Variants in CLDN16 observed in about 807,000 individuals in gnomAD.
The protein encoded by CLDN16 is claudin-16.
A neutral mutation model predicts 24.6 loss-of-function variants in CLDN16; 13 were observed. That is an observed-to-expected ratio of 0.53 (90% CI 0.34 to 0.84). The LOEUF (loss-of-function observed/expected upper bound fraction) is 0.84, where lower values mean the gene tolerates loss of function less well. Ranked by LOEUF, CLDN16 falls within the 40% of genes least tolerant of loss-of-function variation. The pLI is 0.01. For missense variants in CLDN16, 298 were observed against 292.7 expected, an observed-to-expected ratio of 1.02 and a Z score of -0.13; for synonymous variants, 116 against 106.7, an observed-to-expected ratio of 1.09 and a Z score of -0.54.
At chr3:190,313,010 T>C in the CLDN16 span, 1 of 1,614,164 alleles carries the variant, frequency 6.2e-7, no homozygotes, top group East Asian at 2.2e-5. Flanking sequence ...CCAACCACCA[T>C]CAAGGCACGG....
At chr3:190,391,137 T>C (rs1417481824) in intron 1 of CLDN16, among the ~76,000 whole-genome samples, 2 of 146,094 alleles carry the variant, frequency 1.4e-5, no homozygotes, top group Non-Finnish European at 3.1e-5. Flanking sequence ...TTTTGTTTTG[T>C]TTTGATTTTT....
intron 4 of CLDN16, among the ~76,000 whole-genome samples, chr3:190,408,978 T>A (rs1719189520): frequency 1.3e-5 from 2 of 150,806 alleles, no homozygotes; most frequent in Admixed American, 1.3e-4. Context: ...CATATATGTA[T>A]AATTGTAATA....
At chr3:190,352,681 CT>C (rs1247339147) in intron 1 of CLDN16, among the ~76,000 whole-genome samples, 27 of 151,836 alleles carry the variant, frequency 1.8e-4, no homozygotes, top group African/African-American at 6.3e-4. Context: ...TAAGCAAAAG[CT>C]ACTATTCTAG....
intron 2 of CLDN16, among the ~76,000 whole-genome samples, chr3:190,374,047 TA>T (rs576385592): frequency 2.7e-5 from 4 of 150,770 alleles, no homozygotes; most frequent in Admixed American, 1.3e-4. Context: ...TTCTGAATGA[TA>T]AAAAAAAATG....
At chr3:190,392,746 C>T (rs755482625) in intron 1 of CLDN16, among the ~76,000 whole-genome samples, 4 of 151,980 alleles carry the variant, frequency 2.6e-5, no homozygotes, top group African/African-American at 7.3e-5. Flanking sequence ...GGTACAAGAG[C>T]GTTGTATGTT....
At chr3:190,310,063 A>G in the CLDN16 span, 1 of 907,122 alleles carries the variant, frequency 1.1e-6, no homozygotes, top group African/African-American at 1.6e-5. Context: ...TTGACATAAA[A>G]TTCTTGAAAG....
At chr3:190,374,124 G>C (rs1351171536) in intron 2 of CLDN16, among the ~76,000 whole-genome samples, 1 of 151,906 alleles carries the variant, frequency 6.6e-6, no homozygotes, top group African/African-American at 2.4e-5. Flanking sequence ...ATAGAACTCA[G>C]TCATAGAAAG....
At chr3:190,291,341 C>T in the CLDN16 span, among the ~76,000 whole-genome samples, 1 of 152,142 alleles carries the variant, frequency 6.6e-6, no homozygotes, top group African/African-American at 2.4e-5. Context: ...CAGCTCCACA[C>T]AGCTGGGGAG....
In CLDN16 at chr3:190,411,441, G is replaced by T. The variant is rs1719284402; in HGVS notation, c.*1405G>T. 1 of 151,894 alleles carries T rather than the reference G, an allele frequency of 6.6e-6. No homozygotes were observed. Among genetic ancestry groups the T allele is most frequent in the Non-Finnish European group, 1.5e-5 (1 of 67,988 alleles). 9.4% of individuals were successfully genotyped at this position (151,894 alleles called of 1,614,324 possible). On this transcript the variant is annotated 3_prime_UTR_variant, in exon 5 of 5. Transcript: ENST00000264734. ...AAATGTTTGTAAAATTTAATTTCCA[G>T]TTTTCTAATTACTTGTCAGTCACAT...
At chr3:190,349,217 G>T (rs1457136039) in intron 1 of CLDN16, among the ~76,000 whole-genome samples, 1 of 152,172 alleles carries the variant, frequency 6.6e-6, no homozygotes, top group Non-Finnish European at 1.5e-5. Flanking sequence ...GAGGCGATTG[G>T]ATCATGGGGA....
At chr3:190,346,452 A>G (rs1577403798) in intron 1 of CLDN16, among the ~76,000 whole-genome samples, 1 of 152,286 alleles carries the variant, frequency 6.6e-6, no homozygotes, top group East Asian at 1.9e-4. Context: ...TTTGATCTAG[A>G]TTCATAATGA....
chr3:190,365,050 C>T (rs1410252956), intron 1 of CLDN16, among the ~76,000 whole-genome samples: 1 of 151,808 alleles, frequency 6.6e-6, no homozygotes, highest in Non-Finnish European at 1.5e-5. Flanking sequence ...GTTTATCCAT[C>T]CTTAATTTGT....
chr3:190,409,828 G>C lies in CLDN16; in HGVS notation c.575-75G>C, dbSNP rs1577433959. On this transcript the variant is annotated intron_variant, in intron 4 of 4. Transcript: ENST00000264734. Reference sequence around the variant, plus strand: ...CTATATTCTTGTTCCTTTTGAGGAAGAACATATAAAATGGTATTTTATAAT... The same window carrying C: ...CTATATTCTTGTTCCTTTTGAGGAACAACATATAAAATGGTATTTTATAAT... The C allele has an allele frequency of 1.0e-5, 14 of 1,373,956 alleles. No individual in the cohort carries two copies. In the East Asian group the frequency reaches 3.0e-4, roughly 30 times the overall value. The allele number at this position is 1,373,956 out of a possible 1,614,324, so 85.1% of individuals were successfully genotyped here.
At chr3:190,378,006 A>T (rs546617653) in intron 3 of CLDN16, among the ~76,000 whole-genome samples, 2 of 152,062 alleles carry the variant, frequency 1.3e-5, no homozygotes, top group East Asian at 3.9e-4. Flanking sequence ...GCATAGTGTT[A>T]TTTAGGACCA....
intron 3 of CLDN16, among the ~76,000 whole-genome samples, chr3:190,406,186 T>C (rs1719093447): frequency 6.6e-6 from 1 of 152,208 alleles, no homozygotes; most frequent in Admixed American, 6.5e-5. Context: ...CCTAACCCTT[T>C]GTATGCTCAG....
chr3:190,306,941 G>T, the CLDN16 span: 1 of 152,658 alleles, frequency 6.6e-6, no homozygotes, highest in African/African-American at 2.4e-5. Context: ...AAATAGACTG[G>T]TAGAGAGAGG....
chr3:190,322,524 T>A, upstream of CLDN16: 1 of 343,854 alleles, frequency 2.9e-6, no homozygotes, highest in Admixed American at 4.6e-5. Flanking sequence ...CCCCTGGCGG[T>A]TTCAGGGCGG....
At chr3:190,303,697 A>G in the CLDN16 span, among the ~76,000 whole-genome samples, 1 of 152,086 alleles carries the variant, frequency 6.6e-6, no homozygotes, top group East Asian at 1.9e-4. Flanking sequence ...ATAACAACTT[A>G]CCCTCCTGAA....
chr3:190,292,876 C>T, the CLDN16 span, among the ~76,000 whole-genome samples: 1 of 152,160 alleles, frequency 6.6e-6, no homozygotes. Flanking sequence ...AACCATTCAA[C>T]AAGTCTCTAG....
Sources: gnomAD v4.1 joint callset for allele counts (sites outside exome capture counted in the v4.1 genomes callset) on GRCh38, gnomAD v4.1.1 for gene constraint, MANE v1.5 for transcripts, NCBI Gene and HGNC (gene_info 2026-07-23, HGNC 2026-07-21) for gene names.